Variants in DPY30 observed in about 807,000 individuals in gnomAD.
DPY30 encodes the protein dpy-30 histone methyltransferase complex regulatory subunit.
DPY30 carries 6 observed loss-of-function variants against 16.2 expected under a neutral mutation model. That is an observed-to-expected ratio of 0.37 (90% CI 0.20 to 0.73). DPY30 has a LOEUF of 0.73. Among genes scored for constraint, DPY30 ranks in the 30% least tolerant of loss-of-function variants. The pLI, the probability that DPY30 is intolerant of heterozygous loss-of-function variation, is 0.51. For synonymous variants in DPY30, 39 were observed against 38.8 expected, an observed-to-expected ratio of 1.00 and a Z score of -0.02; for missense variants, 73 against 113.1, an observed-to-expected ratio of 0.65 and a Z score of 1.61.
At chr2:32,038,571 A>G (rs1401236357) in intron 3 of DPY30, among the ~76,000 whole-genome samples, 1 of 151,554 alleles carries the variant, frequency 6.6e-6, no homozygotes, top group Non-Finnish European at 1.5e-5. Flanking sequence ...AAAGAAATAA[A>G]TATTTATTAA....
chr2:32,031,850 G>A lies in DPY30; in HGVS notation c.85-2114C>T, dbSNP rs182946784. 7.6e-3 allele frequency among the ~76,000 whole-genome samples: 1,138 copies of A among 149,810 alleles called. 12 individuals carry two copies. Among genetic ancestry groups the A allele is most frequent in the Middle Eastern group, 0.056 (16 of 288 alleles). On this transcript the variant is annotated intron_variant, in intron 3 of 4. Coordinates refer to ENST00000342166, the MANE Select transcript of DPY30 (RefSeq NM_001321209.2). ...AGAGGTTGCAGTGAGCCAAGATTGCGCCACTGCACTCCAGCCTGGGTGACA... is the reference window on the plus strand; with the variant it reads ...AGAGGTTGCAGTGAGCCAAGATTGCACCACTGCACTCCAGCCTGGGTGACA...
intron 5 of DPY30, among the ~76,000 whole-genome samples, chr2:32,012,424 T>TC (rs1674966288): frequency 8.5e-6 from 1 of 118,262 alleles, no homozygotes; most frequent in Non-Finnish European, 1.9e-5. Flanking sequence ...TTTTTCTTTT[T>TC]TTTTTTTTTT....
At chr2:32,013,839 C>G (rs568224171) in intron 5 of DPY30, among the ~76,000 whole-genome samples, 1 of 151,982 alleles carries the variant, frequency 6.6e-6, no homozygotes. Context: ...AAAACCCCAT[C>G]TCCACTAAAA....
intron 4 of DPY30, among the ~76,000 whole-genome samples, chr2:32,026,515 G>A (rs959078391): frequency 2.0e-5 from 3 of 152,078 alleles, no homozygotes; most frequent in African/African-American, 7.2e-5. Flanking sequence ...TGGAGGCCGA[G>A]TGTAATGGCT....
At chr2:32,033,247 G>T (rs1675609765) in intron 3 of DPY30, among the ~76,000 whole-genome samples, 1 of 152,074 alleles carries the variant, frequency 6.6e-6, no homozygotes, top group East Asian at 1.9e-4. Flanking sequence ...GATGGAGGTT[G>T]CAGTGAGCCG....
intron 1 of DPY30, 111 bp downstream of exon 1, chr2:32,039,621 AG>A (rs1675889197): frequency 2.0e-5 from 16 of 816,392 alleles, no homozygotes; most frequent in Non-Finnish European, 3.2e-5. Flanking sequence ...CGAGCAGTAG[AG>A]CAGCAGAGTG....
rs568078369 is a variant in DPY30 at position 32,039,758 on chromosome 2, G to A, written c.-62C>T. ...CCGCGCCCAAGCCGTTCGTTCTTAA[G>A]AGCCCTGCACCGCGCCACCAGCTCC... On this transcript the variant is annotated 5_prime_UTR_variant, in exon 1 of 5. Transcript: ENST00000342166. 3 of 521,238 alleles carry A rather than the reference G, an allele frequency of 5.8e-6. No homozygotes were observed. Among genetic ancestry groups the A allele is most frequent in the Non-Finnish European group, 1.0e-5 (3 of 288,368 alleles). The allele number at this position is 521,238 out of a possible 1,614,324, so 32.3% of individuals were successfully genotyped here.
At chr2:32,039,585 AC>A in intron 1 of DPY30, 93 bp from the exon 2 acceptor site, 1 of 1,273,430 alleles carries the variant, frequency 7.9e-7, no homozygotes, top group Non-Finnish European at 1.1e-6. Context: ...CCCGCCCCTC[AC>A]CCCCACCTGG....
chr2:32,026,923 CTT>C (rs534056939), intron 4 of DPY30, among the ~76,000 whole-genome samples: 9 of 140,424 alleles, frequency 6.4e-5, no homozygotes, highest in Non-Finnish European at 9.3e-5. Flanking sequence ...CCTTTTTTCC[CTT>C]TTTTTTTTTT....
chr2:32,012,225 G>C, intron 5 of DPY30, among the ~76,000 whole-genome samples: 2 of 151,704 alleles, frequency 1.3e-5, no homozygotes, highest in Non-Finnish European at 2.9e-5. Flanking sequence ...CAAGGATTTT[G>C]TGCAGTATCC....
At chr2:32,019,639 T>A (rs1294562205), downstream of DPY30, among the ~76,000 whole-genome samples, 1 of 150,306 alleles carries the variant, frequency 6.7e-6, no homozygotes, top group African/African-American at 2.4e-5. Flanking sequence ...CTGGCCAACA[T>A]GGCAAAACCC....
chr2:32,033,287 G>A (rs991785469), intron 3 of DPY30, among the ~76,000 whole-genome samples: 3 of 150,454 alleles, frequency 2.0e-5, no homozygotes, highest in Non-Finnish European at 3.0e-5. Flanking sequence ...CAGCCTGGGT[G>A]ACAGAGAAAG....
chr2:32,013,943 G>A (rs1195075785), intron 5 of DPY30, among the ~76,000 whole-genome samples: 1 of 152,076 alleles, frequency 6.6e-6, no homozygotes, highest in Admixed American at 6.6e-5. Flanking sequence ...GGGAGGCAGA[G>A]GTTGCTGTGA....
intron 5 of DPY30, among the ~76,000 whole-genome samples, chr2:32,018,391 AATC>A (rs1378746075): frequency 6.6e-6 from 1 of 152,168 alleles, no homozygotes; most frequent in East Asian, 1.9e-4. Context: ...ACAAGACTAA[AATC>A]AAAAAATTAC....
At chr2:32,023,814 G>A (rs1258059034), downstream of DPY30, 1 of 1,307,470 alleles carries the variant, frequency 7.6e-7, no homozygotes, top group Non-Finnish European at 1.0e-6. Flanking sequence ...AAACTCTGCA[G>A]CATTTGAAGA....
chr2:32,013,553 G>A (rs553142694), intron 5 of DPY30, among the ~76,000 whole-genome samples: 2 of 152,286 alleles, frequency 1.3e-5, no homozygotes, highest in African/African-American at 4.8e-5. Flanking sequence ...TATTTTAGGA[G>A]AAGCTTATCT....
intron 4 of DPY30, among the ~76,000 whole-genome samples, chr2:32,024,985 A>G (rs919803362): frequency 4.6e-5 from 7 of 152,222 alleles, no homozygotes; most frequent in African/African-American, 1.7e-4. Flanking sequence ...CAAAGTTGAA[A>G]AATTGGGGAG....
At chr2:32,013,709 T>C (rs1675011212) in intron 5 of DPY30, among the ~76,000 whole-genome samples, 1 of 152,194 alleles carries the variant, frequency 6.6e-6, no homozygotes, top group Admixed American at 6.6e-5. Context: ...AAGCTCAGAC[T>C]TCAAGAAATA....
chr2:32,016,457 G>A (rs1262451081), intron 5 of DPY30, among the ~76,000 whole-genome samples: 2 of 152,138 alleles, frequency 1.3e-5, no homozygotes, highest in East Asian at 1.9e-4. Context: ...GAAAATACCT[G>A]GCTACAGTTT....
Sources: allele counts gnomAD v4.1 joint callset (sites outside exome capture counted in the v4.1 genomes callset), GRCh38; gene constraint gnomAD v4.1.1; transcripts MANE v1.5; gene names NCBI Gene and HGNC (gene_info 2026-07-23, HGNC 2026-07-21).